TRIM38: variants seen among roughly 807,000 people sequenced by gnomAD.
TRIM38 encodes E3 ubiquitin-protein ligase TRIM38.
TRIM38 carries 35 observed loss-of-function variants against 35.8 expected under a neutral mutation model. That is an observed-to-expected ratio of 0.98 (90% CI 0.75 to 1.30). The LOEUF is 1.30. Among genes scored for constraint, TRIM38 ranks in the 50% most tolerant of loss-of-function variants. TRIM38 has a pLI of 0.00. For missense variants in TRIM38, 545 were observed against 556.9 expected, an observed-to-expected ratio of 0.98 and a Z score of 0.21; for synonymous variants, 198 against 204.7, an observed-to-expected ratio of 0.97 and a Z score of 0.28.
intron 7 of TRIM38, among the ~76,000 whole-genome samples, chr6:25,980,736 A>G (rs1760521498): frequency 6.6e-6 from 1 of 152,158 alleles, no homozygotes; most frequent in Non-Finnish European, 1.5e-5. Flanking sequence ...TCCATTCTTA[A>G]TAATGCTCTG....
intron 7 of TRIM38, chr6:25,973,502 T>C (rs1380492189): frequency 8.1e-6 from 8 of 985,146 alleles, no homozygotes; most frequent in African/African-American, 1.7e-5. Context: ...CAAATTCTTA[T>C]TCTTTCACTT....
chr6:25,974,264 C>T (rs966414750), intron 7 of TRIM38, among the ~76,000 whole-genome samples: 1 of 152,068 alleles, frequency 6.6e-6, no homozygotes, highest in Middle Eastern at 3.2e-3. Flanking sequence ...AGGACTTTGG[C>T]CCTGGTTATT....
chr6:25,983,066 G>A, intron 7 of TRIM38, 98 bp from the exon 8 acceptor site: 6 of 1,250,236 alleles, frequency 4.8e-6, no homozygotes, highest in South Asian at 1.5e-5. Context: ...TCCAGCCTGG[G>A]TGACAGCAAC....
rs1222399538 is a variant in TRIM38, at chr6:25,988,474, C to CT, written c.*4792dup. On this transcript the variant is annotated 3_prime_UTR_variant, in exon 8 of 8. Transcript: ENST00000357085. ...TGGCTTGATCGTTTCTTTTCTTTTT[C>CT]TTTTTCTTTTTTCTTTTCTTTCTTT... The CT allele has an allele frequency of 4.5e-4, 38 of 85,038 alleles. No individual in the cohort carries two copies. The highest frequency in any genetic ancestry group is 1.5e-3 in the African/African-American group (31 of 21,092). The allele number at this position is 85,038 out of a possible 1,614,324, so 5.3% of individuals were successfully genotyped here.
At chr6:25,968,603 A>G (rs1459358339) in intron 3 of TRIM38, among the ~76,000 whole-genome samples, 2 of 152,240 alleles carry the variant, frequency 1.3e-5, no homozygotes, top group Non-Finnish European at 2.9e-5. Context: ...ATGAATGAGT[A>G]TACTTGTTGG....
intron 3 of TRIM38, among the ~76,000 whole-genome samples, chr6:25,968,203 A>T (rs1760121375): frequency 6.6e-6 from 1 of 152,214 alleles, no homozygotes. Flanking sequence ...TTCTAAGGAC[A>T]TGTCAATCAT....
chr6:25,964,421 G>A lies in TRIM38; in HGVS notation c.-189+1139G>A, dbSNP rs1349458810. 2.6e-5 allele frequency among the ~76,000 whole-genome samples: 4 copies of A among 152,106 alleles called. 1 individual carries two copies. Among genetic ancestry groups the A allele is most frequent in the Admixed American group, 2.6e-4 (4 of 15,266 alleles). On this transcript the variant is annotated intron_variant, in intron 2 of 7. Transcript: ENST00000357085. The stretch of plus-strand genomic sequence containing the variant: ...GGGAGAATAAATGAATATTTGGGAG[G>A]ATGAATGAATGGAGGAACAGAGTTT...
Position 25,983,551 on chromosome 6 carries a change from G to T in TRIM38, c.1262G>T (p.Gly421Val). The change falls in exon 8 of 8, where the codon GGA becomes GTA. Residue 421 changes from glycine to valine, a missense_variant. Physicochemically the swap from Gly to Val is moderately radical, Grantham distance 109 (BLOSUM62 -3). Transcript: ENST00000357085. The part of the protein sequence containing the change: ...LVGIFLDYEA[G>V]VVSFYNGNTG... ...GGAATTTTTCTGGACTATGAGGCCG[G>T]AGTTGTATCCTTTTATAACGGGAAT... 1.2e-6 allele frequency: 2 copies of T among 1,613,980 alleles called. No homozygotes were observed. The highest frequency in any genetic ancestry group is 1.7e-4 in the Middle Eastern group (1 of 6,060).
chr6:25,987,211 C>G lies in TRIM38; in HGVS notation c.*3524C>G, dbSNP rs538877823. ...GCTTAACAAAGGTACTCCCCGCCCC[C>G]CGCCCGCCACACACCATCCCCAAAA... On this transcript the variant is annotated 3_prime_UTR_variant, in exon 8 of 8. Coordinates refer to ENST00000357085, the MANE Select transcript of TRIM38 (RefSeq NM_006355.5). 7 of 138,382 alleles carry G rather than the reference C, an allele frequency of 5.1e-5. No individual in the cohort carries two copies. Among genetic ancestry groups the G allele is most frequent in the African/African-American group, 1.7e-4 (6 of 35,502 alleles). 8.6% of individuals were successfully genotyped at this position (138,382 alleles called of 1,614,324 possible).
intron 3 of TRIM38, among the ~76,000 whole-genome samples, chr6:25,968,424 G>A (rs574637782): frequency 6.6e-6 from 1 of 152,282 alleles, no homozygotes; most frequent in South Asian, 2.1e-4. Context: ...TCTGTAAATG[G>A]GGATAATAGC....
chr6:25,972,999 GC>G lies in TRIM38; in HGVS notation c.739-51del, dbSNP rs1760284449. The G allele has an allele frequency of 7.5e-6, 12 of 1,610,574 alleles. No individual in the cohort carries two copies. The Admixed American group carries it at 1.3e-4, about 18-fold the overall frequency. On this transcript the variant is annotated intron_variant, in intron 5 of 7. Transcript: ENST00000357085. ...AAAGAAGAATAGCCCTGCATGACAA[GC>G]CCCATGAAATACCGATGTTCCCATG...
In TRIM38 at chr6:25,983,629, G is replaced by T. The variant is rs779537642; in HGVS notation, c.1340G>T (p.Arg447Leu). The change falls in exon 8 of 8, where the codon CGG becomes CTG. Residue 447 changes from arginine (R) to leucine (L), a missense_variant. By Grantham distance (102) the Arg-to-Leu change is moderately radical. Transcript: ENST00000357085. ...FPKASFSDTL[R>L]PYFQVYQYSP... The stretch of plus-strand genomic sequence containing the variant: ...AAGGCTTCCTTCTCTGATACTCTCC[G>T]GCCCTATTTCCAGGTTTATCAATAT... 2 of 1,612,848 alleles carry T rather than the reference G, an allele frequency of 1.2e-6. No homozygotes were observed. The highest frequency in any genetic ancestry group is 1.1e-5 in the South Asian group (1 of 90,972).
chr6:25,963,438 AAG>A (rs1368427850), intron 2 of TRIM38, among the ~76,000 whole-genome samples, 156 bp downstream of exon 2: 1 of 152,078 alleles, frequency 6.6e-6, no homozygotes, highest in African/African-American at 2.4e-5. Context: ...AGGTTCTCAG[AAG>A]AGGCAGGCTT....
chr6:25,975,654 C>G, intron 7 of TRIM38: 1 of 979,612 alleles, frequency 1.0e-6, no homozygotes, highest in Non-Finnish European at 1.2e-6. Context: ...TTTTCCCACC[C>G]GTCTCCAATC....
At position 25,966,923 on chromosome 6, in the gene TRIM38, A is replaced by G. The variant is rs1383772570; in HGVS notation, c.401A>G (p.Gln134Arg). The change falls in exon 3 of 8, where the codon CAG (glutamine) becomes CGG (arginine). Residue 134 changes from glutamine (Q) to arginine (R), a missense_variant. Physicochemically the swap from Gln to Arg is conservative, Grantham distance 43 (BLOSUM62 1). Transcript: ENST00000357085. Reference sequence around the variant, plus strand: ...ACAGCTCTTGTTGAAGACGTATGCCAGGGCTACAAGGTGAGTGTGTGGGCC... The same window carrying G: ...ACAGCTCTTGTTGAAGACGTATGCCGGGGCTACAAGGTGAGTGTGTGGGCC... ...HTTALVEDVC[Q>R]GYKEKLQKAV... is the part of the protein sequence containing the mutation. 6.2e-7 allele frequency: 1 copy of G among 1,603,028 alleles called. No homozygotes were observed. Among genetic ancestry groups the G allele is most frequent in the East Asian group, 2.2e-5 (1 of 44,648 alleles).
At chr6:25,974,301 C>T (rs1219640970) in intron 7 of TRIM38, among the ~76,000 whole-genome samples, 1 of 152,206 alleles carries the variant, frequency 6.6e-6, no homozygotes, top group Non-Finnish European at 1.5e-5. Flanking sequence ...AGGTTGCCCA[C>T]AGCTTCTACA....
At chr6:25,975,358 T>G (rs1206677874) in intron 7 of TRIM38, 1 of 176,258 alleles carries the variant, frequency 5.7e-6, no homozygotes. Context: ...CGCACCACTA[T>G]GCCTGGCTGA....
Position 25,989,534 on chromosome 6 carries a change from T to TA in TRIM38, c.*5849dup. The TA allele has an allele frequency of 7.0e-6, 1 of 143,088 alleles. No homozygotes were observed. Among genetic ancestry groups the TA allele is most frequent in the East Asian group, 2.0e-4 (1 of 5,056 alleles). The allele number at this position is 143,088 out of a possible 1,614,324, so 8.9% of individuals were successfully genotyped here. A position where few individuals can be genotyped will look rare whatever the true frequency, so the allele number is the denominator to read the frequency against. Reference sequence around the variant, plus strand: ...TCTTTTTTTTTTTTTTTTTTTTTTTTAATAGAGACGGGTCTTGCTACAGTG... The same window carrying TA: ...TCTTTTTTTTTTTTTTTTTTTTTTTTAAATAGAGACGGGTCTTGCTACAGTG... On this transcript the variant is annotated 3_prime_UTR_variant, in exon 8 of 8. Coordinates refer to ENST00000357085, the MANE Select transcript of TRIM38 (RefSeq NM_006355.5).
At position 25,978,482 on chromosome 6, in the gene TRIM38, CATATA is replaced by C. The variant is rs970653552; in HGVS notation, c.875-4676_875-4672del. Among the ~76,000 whole-genome samples the C allele has an allele frequency of 9.2e-5, 14 of 152,070 alleles. 1 individual carries two copies. The highest frequency in any genetic ancestry group is 3.4e-4 in the African/African-American group (14 of 41,482). ...TATAAAAGTGAAGCATTGATTGGTA[CATATA>C]ATATATATATTGATTACTGTGTGTA... On this transcript the variant is annotated intron_variant, in intron 7 of 7. Transcript: ENST00000357085.
Sources: gnomAD v4.1 joint callset for allele counts (sites outside exome capture counted in the v4.1 genomes callset) on GRCh38, gnomAD v4.1.1 for gene constraint, MANE v1.5 for transcripts, NCBI Gene and HGNC (gene_info 2026-07-23, HGNC 2026-07-21) for gene names.